Variants in PPP6R2 observed in about 807,000 individuals in gnomAD.
PPP6R2 encodes protein phosphatase 6 regulatory subunit 2, also known as serine/threonine-protein phosphatase 6 regulatory subunit 2.
Under a neutral mutation model 100.2 loss-of-function variants are expected in PPP6R2, and 62 were observed. The observed-to-expected ratio is 0.62, with a 90% CI of 0.50 to 0.76. The LOEUF is 0.76. Ranked by LOEUF, PPP6R2 falls within the 30% of genes least tolerant of loss-of-function variation. PPP6R2 has a pLI of 0.00. For missense variants in PPP6R2, 1,142 were observed against 1,276.3 expected (o/e 0.89, Z 1.60); for synonymous variants, 525 against 514.7 (o/e 1.02, Z -0.27).
chr22:50,370,703 G>A lies in PPP6R2; in HGVS notation c.-147-1317G>A, dbSNP rs111873272. ...GGCTGGAGTGCAGTGGCGTGATCTC[G>A]GCTCACTGCAACCTCTGCCTCCCGG... On this transcript the variant is annotated intron_variant, in intron 1 of 23. Transcript: ENST00000612753. Among the ~76,000 whole-genome samples the A allele has an allele frequency of 4.3e-3, 644 of 151,190 alleles. 8 individuals are homozygous for A. Among genetic ancestry groups the A allele is most frequent in the African/African-American group, 0.014 (570 of 41,186 alleles).
intron 4 of PPP6R2, among the ~76,000 whole-genome samples, chr22:50,414,127 CTG>C (rs767753336): frequency 1.1e-4 from 16 of 152,198 alleles, no homozygotes; most frequent in Non-Finnish European, 2.4e-4. Flanking sequence ...CTTGTGCACT[CTG>C]TGCTCCCTGG....
intron 1 of PPP6R2, among the ~76,000 whole-genome samples, chr22:50,370,680 C>T (rs1173279591): frequency 6.6e-6 from 1 of 151,804 alleles, no homozygotes; most frequent in Non-Finnish European, 1.5e-5. Flanking sequence ...GTTGCCCAGG[C>T]TGGAGTGCAG....
chr22:50,430,611 T>C (rs1045071756), intron 10 of PPP6R2, among the ~76,000 whole-genome samples: 1 of 152,214 alleles, frequency 6.6e-6, no homozygotes, highest in Non-Finnish European at 1.5e-5. Flanking sequence ...TGGTGACTTA[T>C]GCCTGTCATC....
intron 6 of PPP6R2, among the ~76,000 whole-genome samples, chr22:50,418,511 C>T (rs1161151032): frequency 6.6e-6 from 1 of 151,906 alleles, no homozygotes; most frequent in Non-Finnish European, 1.5e-5. Context: ...CTCAGCCAAC[C>T]GAGTAGCTGG....
chr22:50,384,034 T>C (rs1225606461), intron 2 of PPP6R2, among the ~76,000 whole-genome samples: 1 of 52,312 alleles, frequency 1.9e-5, no homozygotes, highest in Admixed American at 2.3e-4. Context: ...AGACTCCATC[T>C]CAAAAAAAAA....
At chr22:50,393,763 A>G (rs1189533119) in intron 2 of PPP6R2, 130 bp from the exon 3 acceptor site, 32 of 1,495,988 alleles carry the variant, frequency 2.1e-5, no homozygotes, top group Non-Finnish European at 2.8e-5. Context: ...GACTTCCAGG[A>G]CTTGGGTCTA....
upstream of PPP6R2, among the ~76,000 whole-genome samples, chr22:50,338,571 TTG>T (rs1569218362): frequency 9.7e-5 from 4 of 41,216 alleles, no homozygotes; most frequent in East Asian, 1.0e-3. Flanking sequence ...GTGTGTGTGT[TTG>T]GTGTGGTGTG....
chr22:50,357,135 A>C (rs1176967672), intron 1 of PPP6R2, among the ~76,000 whole-genome samples: 1 of 152,090 alleles, frequency 6.6e-6, no homozygotes, highest in Admixed American at 6.6e-5. Flanking sequence ...ATGGTGAGCA[A>C]CTTTTCAGGT....
At chr22:50,441,081 GGCT>G in intron 22 of PPP6R2, 55 bp downstream of exon 22, 1 of 1,395,326 alleles carries the variant, frequency 7.2e-7, no homozygotes, top group Non-Finnish European at 9.6e-7. Context: ...GTGGCTTCCA[GGCT>G]CTGTCCCCAG....
the PPP6R2 span, among the ~76,000 whole-genome samples, chr22:50,332,451 T>C: frequency 1.2e-3 from 177 of 151,564 alleles, no homozygotes; most frequent in Non-Finnish European, 2.0e-3. Flanking sequence ...AGGATGGTCT[T>C]GATCTCCTGA....
At chr22:50,372,930 G>A (rs954359522) in intron 2 of PPP6R2, among the ~76,000 whole-genome samples, 5 of 151,974 alleles carry the variant, frequency 3.3e-5, no homozygotes, top group East Asian at 3.9e-4. Flanking sequence ...CTTGTGATCC[G>A]CCCGCCTCGG....
intron 2 of PPP6R2, among the ~76,000 whole-genome samples, chr22:50,381,199 A>G (rs1385204166): frequency 2.0e-5 from 3 of 150,660 alleles, no homozygotes; most frequent in Non-Finnish European, 4.4e-5. Context: ...GACAACCAGA[A>G]CCCCTCCTAC....
chr22:50,416,911 A>G (rs751880101), intron 6 of PPP6R2, among the ~76,000 whole-genome samples: 28 of 151,588 alleles, frequency 1.8e-4, no homozygotes, highest in Non-Finnish European at 3.1e-4. Context: ...AGCCGAGATC[A>G]CACCACTGTG....
intron 8 of PPP6R2, among the ~76,000 whole-genome samples, chr22:50,420,550 G>C (rs986392664): frequency 1.3e-5 from 2 of 152,206 alleles, no homozygotes; most frequent in African/African-American, 4.8e-5. Context: ...GTTTGAAACT[G>C]TTTCTCTGGA....
intron 2 of PPP6R2, among the ~76,000 whole-genome samples, chr22:50,390,722 C>T (rs960278154): frequency 3.3e-5 from 5 of 151,958 alleles, no homozygotes; most frequent in African/African-American, 4.8e-5. Context: ...AATTCAGGGC[C>T]GGGCGCGGTC....
intron 12 of PPP6R2, 108 bp downstream of exon 12, chr22:50,432,437 G>A: frequency 9.1e-7 from 1 of 1,095,374 alleles, no homozygotes; most frequent in Non-Finnish European, 1.3e-6. Flanking sequence ...AGGATCGGGT[G>A]GAGTGTAGGG....
intron 4 of PPP6R2, among the ~76,000 whole-genome samples, chr22:50,409,272 C>T (rs911954407): frequency 1.3e-5 from 2 of 152,180 alleles, no homozygotes; most frequent in Non-Finnish European, 2.9e-5. Context: ...TTCTTTCAAA[C>T]GTCTACAAAT....
chr22:50,339,541 G>GGGGTA (rs2042345187), upstream of PPP6R2, among the ~76,000 whole-genome samples: 1 of 141,840 alleles, frequency 7.1e-6, no homozygotes, highest in South Asian at 2.3e-4. Context: ...TGTGGTGTGT[G>GGGGTA]TGTGGTGTGT....
Position 50,431,769 on chromosome 22 carries a change from C to T in PPP6R2, c.1335+387C>T, listed in dbSNP as rs1284988340. ...GACATGCAGGCCAACCAGGGACTGT[C>T]ACCCGGATAGCAAGGCCACAGGTAT... On this transcript the variant is annotated intron_variant, in intron 11 of 23. Coordinates refer to ENST00000612753, the MANE Select transcript of PPP6R2 (RefSeq NM_001242898.2). This position sits in a 1 kb window ranked among gnomAD's most constrained non-coding sequence, Gnocchi z 4.8. Among the ~76,000 whole-genome samples the T allele has an allele frequency of 6.6e-6, 1 of 152,120 alleles. No individual in the cohort carries two copies. The highest frequency in any genetic ancestry group is 1.5e-5 in the Non-Finnish European group (1 of 68,020).
Sources: gnomAD v4.1 joint callset for allele counts (sites outside exome capture counted in the v4.1 genomes callset) on GRCh38, gnomAD v4.1.1 for gene constraint, Gnocchi (gnomAD v3.1) non-coding constraint, MANE v1.5 for transcripts, NCBI Gene and HGNC (gene_info 2026-07-23, HGNC 2026-07-21) for gene names.